The following PCSK6 variants were observed in gnomAD, a reference collection of about 807,000 sequenced individuals.
The protein encoded by PCSK6 is proprotein convertase subtilisin/kexin type 6.
Under a neutral mutation model 123.3 loss-of-function variants are expected in PCSK6, and 85 were observed. The ratio of observed to expected loss-of-function variants is 0.69; its 90% CI spans 0.58 to 0.83. The LOEUF is 0.83. Among genes scored for constraint, PCSK6 ranks in the 40% least tolerant of loss-of-function variants. The probability of loss-of-function intolerance (pLI) is 0.00; values close to 1 mark genes in which losing one functional copy is unlikely to be tolerated. For synonymous variants in PCSK6, 508 were observed against 516.0 expected (o/e 0.98, Z 0.21); for missense variants, 1,191 against 1,282.3 (o/e 0.93, Z 1.09).
intron 13 of PCSK6, chr15:101,347,127 A>G: frequency 1.5e-5 from 19 of 1,231,808 alleles, no homozygotes; most frequent in Non-Finnish European, 1.9e-5. Flanking sequence ...CTATAATTGC[A>G]CTTTCCAGAA....
chr15:101,426,221 G>T (rs1221581090), intron 6 of PCSK6, among the ~76,000 whole-genome samples: 1 of 152,204 alleles, frequency 6.6e-6, no homozygotes, highest in Non-Finnish European at 1.5e-5. Context: ...CCAAGCCGAT[G>T]GTTTCACACA....
At chr15:101,343,763 C>A (rs1303956154) in intron 13 of PCSK6, among the ~76,000 whole-genome samples, 3 of 152,156 alleles carry the variant, frequency 2.0e-5, no homozygotes, top group Non-Finnish European at 4.4e-5. Context: ...CGACATGTGG[C>A]CAATTTTCAT....
rs188547015 is a variant in PCSK6 at position 101,393,353 on chromosome 15, C to A, written c.1068G>T (p.Ser356=). 1 of 1,607,144 alleles carries A rather than the reference C, an allele frequency of 6.2e-7. No homozygotes were observed. Among genetic ancestry groups the A allele is most frequent in the East Asian group, 2.2e-5 (1 of 44,718 alleles). Residue 356 remains serine (S), a synonymous_variant, in exon 8 of 22, where the codon TCG becomes TCT. Transcript: ENST00000611716. ...AGATGCTGTTGGTGTAGCCATCGCA[C>A]GAGCAGTAGTCCCCCTCTCTCCCGC... ...GNGGREGDYC[S]CDGYTNSIYT...
chr15:101,453,218 G>C (rs941487207), intron 1 of PCSK6, among the ~76,000 whole-genome samples: 4 of 152,196 alleles, frequency 2.6e-5, no homozygotes, highest in Admixed American at 1.3e-4. Context: ...AAAAGAGACA[G>C]AAAATGAGGT....
At chr15:101,441,016 C>G (rs935356395) in intron 2 of PCSK6, among the ~76,000 whole-genome samples, 1 of 152,228 alleles carries the variant, frequency 6.6e-6, no homozygotes, top group African/African-American at 2.4e-5. Flanking sequence ...ATCAGCCAAT[C>G]CTAGGAACGT....
intron 12 of PCSK6, among the ~76,000 whole-genome samples, chr15:101,368,953 G>A (rs1380692302): frequency 1.3e-5 from 2 of 152,238 alleles, no homozygotes; most frequent in Non-Finnish European, 2.9e-5. Context: ...AACTGCTCGT[G>A]CCCGTGTGAG....
rs767231110 is a variant in PCSK6 at position 101,366,262 on chromosome 15, C to G, written c.1792G>C (p.Ala598Pro). ...FMTVHCWGEK[A>P]EGQWTLEIQD... Reference sequence around the variant, plus strand: ...ATTTCCAAGGTCCACTGCCCTTCAGCCTTTTCTCCCCAGCAGTGGACAGTC... The same window carrying G: ...ATTTCCAAGGTCCACTGCCCTTCAGGCTTTTCTCCCCAGCAGTGGACAGTC... The change falls in exon 13 of 22, where the codon GCT becomes CCT. Residue 598 changes from alanine (A) to proline (P), a missense_variant. By Grantham distance (27) the Ala-to-Pro change is conservative. Coordinates refer to ENST00000611716, the MANE Select transcript of PCSK6 (RefSeq NM_002570.5). The G allele has an allele frequency of 4.3e-6, 7 of 1,613,692 alleles. No homozygotes were observed. In the African/African-American group the frequency reaches 9.3e-5, roughly 22 times the overall value.
At chr15:101,438,676 C>T (rs765311303) in intron 2 of PCSK6, among the ~76,000 whole-genome samples, 1 of 152,206 alleles carries the variant, frequency 6.6e-6, no homozygotes, top group Non-Finnish European at 1.5e-5. Context: ...CGATCCAGGT[C>T]CCCCAGGAAC....
intron 1 of PCSK6, among the ~76,000 whole-genome samples, chr15:101,458,341 G>C (rs1411392691): frequency 6.6e-6 from 1 of 152,158 alleles, no homozygotes; most frequent in Non-Finnish European, 1.5e-5. Flanking sequence ...CATGTTGAAA[G>C]GGGTTTCCGC....
chr15:101,421,997 C>A (rs987790636), intron 6 of PCSK6, among the ~76,000 whole-genome samples: 1 of 152,002 alleles, frequency 6.6e-6, no homozygotes, highest in Non-Finnish European at 1.5e-5. Flanking sequence ...CTTTTTAAGA[C>A]CACTGAAGAA....
intron 1 of PCSK6, among the ~76,000 whole-genome samples, chr15:101,480,252 C>A (rs1421004812): frequency 6.6e-6 from 1 of 152,196 alleles, no homozygotes; most frequent in Non-Finnish European, 1.5e-5. Context: ...AATACAAGAG[C>A]CCCCGAGGAA....
In PCSK6 at chr15:101,422,530, A is replaced by G. The variant is rs1166464137; in HGVS notation, c.823+5362T>C. On this transcript the variant is annotated intron_variant, in intron 6 of 21. Coordinates refer to ENST00000611716, the MANE Select transcript of PCSK6 (RefSeq NM_002570.5). Reference sequence around the variant, plus strand: ...ATGCTAGGGCTAATGGATTTTCCCTAAGGCTATGCGAAAATCAGAAAGATA... The same window carrying G: ...ATGCTAGGGCTAATGGATTTTCCCTGAGGCTATGCGAAAATCAGAAAGATA... 2.6e-5 allele frequency among the ~76,000 whole-genome samples: 4 copies of G among 152,238 alleles called. No individual in the cohort carries two copies. In the East Asian group the frequency reaches 5.8e-4, roughly 22 times the overall value.
chr15:101,489,285 C>T, intron 1 of PCSK6, 89 bp downstream of exon 1: 2 of 853,772 alleles, frequency 2.3e-6, no homozygotes, highest in South Asian at 1.1e-4. Flanking sequence ...GGGGCCGGGG[C>T]CGGGCGGACA....
At chr15:101,331,563 G>A in intron 15 of PCSK6, 88 bp downstream of exon 15, 1 of 1,266,624 alleles carries the variant, frequency 7.9e-7, no homozygotes, top group Non-Finnish European at 1.1e-6. Flanking sequence ...CTTACCAGGG[G>A]GCAAGACCCC....
intron 13 of PCSK6, among the ~76,000 whole-genome samples, chr15:101,344,258 G>C (rs946188969): frequency 2.0e-5 from 3 of 152,080 alleles, no homozygotes; most frequent in African/African-American, 7.2e-5. Flanking sequence ...TCCTGTGTGA[G>C]TTTGTCATTT....
At chr15:101,338,753 C>A (rs2040537923) in intron 13 of PCSK6, among the ~76,000 whole-genome samples, 2 of 152,198 alleles carry the variant, frequency 1.3e-5, no homozygotes, top group Non-Finnish European at 2.9e-5. Context: ...TTTTTGCCAT[C>A]AGATTCCTGA....
At chr15:101,360,766 C>T (rs2041198876) in intron 13 of PCSK6, among the ~76,000 whole-genome samples, 1 of 152,206 alleles carries the variant, frequency 6.6e-6, no homozygotes, top group Non-Finnish European at 1.5e-5. Context: ...GCCCTTTTCC[C>T]AGATGTCTGC....
intron 6 of PCSK6, among the ~76,000 whole-genome samples, chr15:101,420,808 C>A (rs2056060203): frequency 6.6e-6 from 1 of 152,158 alleles, no homozygotes; most frequent in African/African-American, 2.4e-5. Context: ...ACAGGGGTAC[C>A]CCACTCTCCT....
chr15:101,460,837 TTAGAA>T (rs2057325176), intron 1 of PCSK6, among the ~76,000 whole-genome samples: 1 of 152,146 alleles, frequency 6.6e-6, no homozygotes, highest in Non-Finnish European at 1.5e-5. Flanking sequence ...AAAAAAATAC[TTAGAA>T]TGGAATGATA....
Sources: allele counts gnomAD v4.1 joint callset (sites outside exome capture counted in the v4.1 genomes callset), GRCh38; gene constraint gnomAD v4.1.1; transcripts MANE v1.5; gene names NCBI Gene and HGNC (gene_info 2026-07-23, HGNC 2026-07-21).